RBFOX1: variants seen among roughly 807,000 people sequenced by gnomAD.
RBFOX1 encodes RNA binding fox-1 homolog 1, also known as RNA binding protein fox-1 homolog 1.
A neutral mutation model predicts 57.7 loss-of-function variants in RBFOX1; 8 were observed. The ratio of observed to expected loss-of-function variants is 0.14; its 90% confidence interval spans 0.08 to 0.25. The LOEUF is 0.25. Among genes scored for constraint, RBFOX1 ranks in the 10% least tolerant of loss-of-function variants. The pLI is 1.00. For synonymous variants in RBFOX1, 326 were observed against 222.4 expected, an observed-to-expected ratio of 1.47 and a Z score of -4.15; for missense variants, 611 against 548.5, an observed-to-expected ratio of 1.11 and a Z score of -1.14.
At chr16:5,422,487 G>A (rs1345420507) in intron 1 of RBFOX1, among the ~76,000 whole-genome samples, 7 of 116,322 alleles carry the variant, frequency 6.0e-5, no homozygotes, top group African/African-American at 2.4e-4. Flanking sequence ...GGAGGAGGGA[G>A]CGGGAGGAGG....
intron 4 of RBFOX1, among the ~76,000 whole-genome samples, chr16:7,379,580 G>T (rs1012669812): frequency 7.2e-5 from 11 of 152,164 alleles, no homozygotes; most frequent in African/African-American, 2.7e-4. Context: ...AATATATATA[G>T]ACAATAAAGA....
At chr16:7,151,564 T>G (rs1293334774) in intron 4 of RBFOX1, among the ~76,000 whole-genome samples, 1 of 152,176 alleles carries the variant, frequency 6.6e-6, no homozygotes, top group Non-Finnish European at 1.5e-5. Flanking sequence ...GGGACTGGTT[T>G]CATGGAAGAC....
intron 1 of RBFOX1, among the ~76,000 whole-genome samples, chr16:6,145,099 C>T (rs544188776): frequency 1.3e-5 from 2 of 151,918 alleles, no homozygotes; most frequent in South Asian, 4.2e-4. Flanking sequence ...AAACTTGTGT[C>T]ATGGGGGTTT....
intron 3 of RBFOX1, among the ~76,000 whole-genome samples, chr16:5,707,154 T>C (rs1253713135): frequency 6.6e-6 from 1 of 152,044 alleles, no homozygotes; most frequent in Admixed American, 6.6e-5. Context: ...CAAGCCTCAT[T>C]AGTGGGGAGC....
At chr16:7,272,431 G>A (rs2095341800) in intron 4 of RBFOX1, among the ~76,000 whole-genome samples, 1 of 152,232 alleles carries the variant, frequency 6.6e-6, no homozygotes, top group Middle Eastern at 3.4e-3. Context: ...TGATCCACCT[G>A]CCTCAGTATC....
At chr16:5,377,477 G>A (rs2066015258) in intron 1 of RBFOX1, among the ~76,000 whole-genome samples, 1 of 150,874 alleles carries the variant, frequency 6.6e-6, no homozygotes, top group African/African-American at 2.5e-5. Flanking sequence ...AGTGAGCTTG[G>A]TGAGGAGGAG....
chr16:6,678,802 C>G (rs1053681887), intron 3 of RBFOX1, among the ~76,000 whole-genome samples: 34 of 152,186 alleles, frequency 2.2e-4, no homozygotes, highest in Non-Finnish European at 4.6e-4. Context: ...CCATGAATAG[C>G]TGATAAGGCT....
At chr16:5,964,433 C>G (rs938081979) in intron 4 of RBFOX1, among the ~76,000 whole-genome samples, 1 of 152,238 alleles carries the variant, frequency 6.6e-6, no homozygotes, top group East Asian at 1.9e-4. Context: ...ACTGCACTTC[C>G]ATGTTTATTG....
intron 2 of RBFOX1, among the ~76,000 whole-genome samples, chr16:6,491,956 C>T (rs1260551464): frequency 6.6e-6 from 1 of 152,018 alleles, no homozygotes; most frequent in Non-Finnish European, 1.5e-5. Flanking sequence ...ATCATCTTGG[C>T]AAATTATGCA....
At chr16:6,022,385 A>G (rs899913017) in intron 1 of RBFOX1, among the ~76,000 whole-genome samples, 1 of 152,080 alleles carries the variant, frequency 6.6e-6, no homozygotes, top group Admixed American at 6.6e-5. Flanking sequence ...GTATGTTTAG[A>G]TATAAAATTT....
At chr16:6,847,656 A>G (rs2093828501) in intron 3 of RBFOX1, among the ~76,000 whole-genome samples, 2 of 152,140 alleles carry the variant, frequency 1.3e-5, no homozygotes. Flanking sequence ...TCAGTCGACC[A>G]CAGCATAACT....
At chr16:7,434,990 T>C (rs1194187574) in intron 4 of RBFOX1, among the ~76,000 whole-genome samples, 1 of 152,226 alleles carries the variant, frequency 6.6e-6, no homozygotes, top group African/African-American at 2.4e-5. Flanking sequence ...TCCGCCTGCC[T>C]TGGCCTCCCA....
intron 1 of RBFOX1, among the ~76,000 whole-genome samples, chr16:5,334,963 G>C (rs2151282568): frequency 6.6e-6 from 1 of 152,196 alleles, no homozygotes; most frequent in Middle Eastern, 3.4e-3. Context: ...TCTTCTTGTA[G>C]TATAGACTTC....
intron 3 of RBFOX1, among the ~76,000 whole-genome samples, chr16:6,787,095 C>G (rs1284815631): frequency 6.6e-6 from 1 of 152,096 alleles, no homozygotes; most frequent in Non-Finnish European, 1.5e-5. Context: ...ATAGATTGTA[C>G]CTTCACCGAA....
chr16:5,794,360 T>C (rs1159200235), intron 3 of RBFOX1, among the ~76,000 whole-genome samples: 1 of 152,092 alleles, frequency 6.6e-6, no homozygotes, highest in African/African-American at 2.4e-5. Flanking sequence ...TCCTCTTCCA[T>C]CATTATTATC....
At chr16:6,667,299 G>T (rs990378070) in intron 3 of RBFOX1, among the ~76,000 whole-genome samples, 1 of 152,048 alleles carries the variant, frequency 6.6e-6, no homozygotes, top group Admixed American at 6.6e-5. Context: ...GAGGTAGATC[G>T]GGCTATTGGT....
Position 7,121,918 on chromosome 16 carries a change from A to T in RBFOX1, c.27+69820A>T, listed in dbSNP as rs374118433. Among the ~76,000 whole-genome samples the T allele has an allele frequency of 2.0e-5, 3 of 147,422 alleles. No individual in the cohort carries two copies. The East Asian group carries it at 5.9e-4, about 29-fold the overall frequency. ...AATCTTAGAAAAGGTACAAAATCAAAGGAGAAATGATTTTGTTTTCAACAA... is the reference window on the plus strand; with the variant it reads ...AATCTTAGAAAAGGTACAAAATCAATGGAGAAATGATTTTGTTTTCAACAA... On this transcript the variant is annotated intron_variant, in intron 4 of 15. Coordinates refer to ENST00000550418, the MANE Select transcript of RBFOX1 (RefSeq NM_018723.4).
chr16:6,634,781 AATAC>A (rs1338462061), intron 2 of RBFOX1, among the ~76,000 whole-genome samples: 6 of 58,330 alleles, frequency 1.0e-4, no homozygotes, highest in Non-Finnish European at 2.5e-4. Flanking sequence ...CTAAATATAT[AATAC>A]AAAGATATAC....
intron 3 of RBFOX1, among the ~76,000 whole-genome samples, chr16:7,004,371 A>G (rs1421901981): frequency 6.6e-6 from 1 of 152,284 alleles, no homozygotes. Flanking sequence ...ACAACATGGC[A>G]TCAGATTCTT....
Sources: allele counts gnomAD v4.1 joint callset (sites outside exome capture counted in the v4.1 genomes callset), GRCh38; gene constraint gnomAD v4.1.1; transcripts MANE v1.5; gene names NCBI Gene and HGNC (gene_info 2026-07-23, HGNC 2026-07-21).